The following TLK2 variants were observed in gnomAD, a reference collection of about 807,000 sequenced individuals.
TLK2 encodes the protein tousled like kinase 2, also known as serine/threonine-protein kinase tousled-like 2.
Under a neutral mutation model 117.3 loss-of-function variants are expected in TLK2, and 6 were observed. That is an observed-to-expected ratio of 0.05 (90% CI 0.03 to 0.10). The LOEUF is 0.10. TLK2 is among the 10% of genes least tolerant of loss of function. TLK2 has a pLI of 1.00. For missense variants in TLK2, 299 were observed against 901.2 expected (o/e 0.33, Z 8.56); for synonymous variants, 257 against 316.7 (o/e 0.81, Z 2.00).
rs143763001 is a variant in TLK2 at position 62,612,650 on chromosome 17, G to A, written c.*85G>A. ...AGCGGGTTTGGAACATAGCGAATCC[G>A]AATGGATCTGATGAAACCTGTACCA... On this transcript the variant is annotated 3_prime_UTR_variant, in exon 22 of 22. Transcript: ENST00000346027. The A allele has an allele frequency of 1.3e-5, 18 of 1,358,846 alleles. No individual in the cohort carries two copies. The highest frequency in any genetic ancestry group is 2.9e-5 in the African/African-American group (2 of 68,552). 84.2% of individuals were successfully genotyped at this position (1,358,846 alleles called of 1,614,324 possible).
At chr17:62,577,165 T>G (rs1052781826) in intron 13 of TLK2, among the ~76,000 whole-genome samples, 54 of 152,042 alleles carry the variant, frequency 3.6e-4, no homozygotes, top group African/African-American at 9.2e-4. Context: ...GGTCTCACCA[T>G]TAGGCTGGTC....
intron 12 of TLK2, among the ~76,000 whole-genome samples, chr17:62,573,836 TC>T (rs1458448768): frequency 1.3e-5 from 2 of 152,162 alleles, no homozygotes; most frequent in Admixed American, 6.5e-5. Flanking sequence ...AAGGACATTG[TC>T]CCAATAAGCC....
chr17:62,597,622 A>T (rs906330015), intron 17 of TLK2, among the ~76,000 whole-genome samples: 1 of 152,188 alleles, frequency 6.6e-6, no homozygotes, highest in African/African-American at 2.4e-5. Flanking sequence ...GCACTAATGA[A>T]GACAAGGCTC....
chr17:62,513,129 G>T (rs923162526), intron 2 of TLK2, among the ~76,000 whole-genome samples: 2 of 151,266 alleles, frequency 1.3e-5, no homozygotes, highest in Non-Finnish European at 2.9e-5. Context: ...ATCCACCTGC[G>T]TCGGCCTCCC....
At chr17:62,506,775 G>T (rs1159938634) in intron 2 of TLK2, among the ~76,000 whole-genome samples, 4 of 152,070 alleles carry the variant, frequency 2.6e-5, no homozygotes, top group Non-Finnish European at 4.4e-5. Flanking sequence ...CGATAAAAGA[G>T]AACTTTTTAG....
intron 7 of TLK2, among the ~76,000 whole-genome samples, chr17:62,543,580 A>C (rs2077697063): frequency 6.6e-6 from 1 of 152,174 alleles, no homozygotes; most frequent in Non-Finnish European, 1.5e-5. Flanking sequence ...GCATTCCCCA[A>C]AAAACTGGTG....
At chr17:62,482,805 G>A (rs2071841868) in intron 2 of TLK2, among the ~76,000 whole-genome samples, 1 of 152,128 alleles carries the variant, frequency 6.6e-6, no homozygotes, top group African/African-American at 2.4e-5. Context: ...TGTATGCTAG[G>A]CATTGTGCAA....
chr17:62,612,171 T>C (rs1045057335), intron 21 of TLK2: 29 of 444,952 alleles, frequency 6.5e-5, no homozygotes, highest in Non-Finnish European at 1.1e-4. Context: ...CAGCCCTTTC[T>C]GTCTGAGAAG....
In TLK2 at chr17:62,584,658, AT is replaced by A. The variant is rs1326966644; in HGVS notation, c.1369-1476del. 5.9e-5 allele frequency among the ~76,000 whole-genome samples: 9 copies of A among 152,328 alleles called. No individual in the cohort carries two copies. In the East Asian group the frequency reaches 1.7e-3, roughly 29 times the overall value. ...ATTGAAGCCCTGTCTAGATAAAAAAATAAAAATAAAAAATGTTGCAATTTTT... is the reference window on the plus strand; with the variant it reads ...ATTGAAGCCCTGTCTAGATAAAAAAAAAAAATAAAAAATGTTGCAATTTTT... On this transcript the variant is annotated intron_variant, in intron 15 of 21. Coordinates refer to ENST00000346027, the MANE Select transcript of TLK2 (RefSeq NM_006852.6).
chr17:62,552,428 G>T (rs767759721), intron 8 of TLK2, 31 bp downstream of exon 8: 1 of 1,614,008 alleles, frequency 6.2e-7, no homozygotes. Context: ...CAATTGAGGG[G>T]CATACCTGCT....
intron 10 of TLK2, among the ~76,000 whole-genome samples, chr17:62,563,958 CTG>C (rs2079514926): frequency 6.6e-6 from 1 of 152,098 alleles, no homozygotes; most frequent in Non-Finnish European, 1.5e-5. Flanking sequence ...GAACATCAAA[CTG>C]GAAGTGTGCA....
chr17:62,494,928 G>GAC (rs2073492084), intron 2 of TLK2, among the ~76,000 whole-genome samples: 1 of 152,146 alleles, frequency 6.6e-6, no homozygotes, highest in Non-Finnish European at 1.5e-5. Flanking sequence ...CACTTTGGGA[G>GAC]ACCGAGGCAG....
chr17:62,516,486 T>A (rs1031684010), intron 2 of TLK2: 5 of 1,605,940 alleles, frequency 3.1e-6, no homozygotes, highest in African/African-American at 1.3e-5. Flanking sequence ...GGCTACGGCG[T>A]AGGGTGGCAG....
chr17:62,534,467 T>C (rs966698259), intron 6 of TLK2, among the ~76,000 whole-genome samples: 4 of 152,204 alleles, frequency 2.6e-5, no homozygotes, highest in Admixed American at 2.6e-4. Context: ...TTCAAGTATT[T>C]TACAGATTTT....
rs779714894 is a variant in TLK2 at position 62,560,042 on chromosome 17, T to G, written c.747T>G (p.Ile249Met). Residue 249 changes from isoleucine to methionine, a missense_variant, in exon 10 of 22, where the codon ATT (isoleucine) becomes ATG (methionine). Physicochemically the swap from Ile to Met is conservative, Grantham distance 10 (BLOSUM62 1). This residue lies in a region of TLK2 where 94 missense variants were observed against 282.6 expected (regional missense o/e 0.33). Transcript: ENST00000346027. ...CCAACTGTGATTTGAGACGGCAGAT[T>G]GATGAACAGCAAAAGATGCTAGAGA... ...LRANCDLRRQ[I>M]DEQQKMLEKY... is the part of the protein sequence containing the mutation. 8.7e-6 allele frequency: 14 copies of G among 1,610,714 alleles called. No individual in the cohort carries two copies. In the East Asian group the frequency reaches 2.9e-4, roughly 33 times the overall value.
chr17:62,512,015 A>AT (rs1437939222), intron 2 of TLK2, among the ~76,000 whole-genome samples: 2 of 152,190 alleles, frequency 1.3e-5, no homozygotes, highest in Non-Finnish European at 2.9e-5. Flanking sequence ...ACCTTTTTAC[A>AT]TTCTCACTAG....
intron 1 of TLK2, among the ~76,000 whole-genome samples, chr17:62,472,437 A>G (rs1299186403): frequency 6.6e-6 from 1 of 151,924 alleles, no homozygotes; most frequent in Non-Finnish European, 1.5e-5. Context: ...CAGTGCCCCC[A>G]GGATAAAAGC....
chr17:62,525,952 G>A (rs1199469406), intron 6 of TLK2, among the ~76,000 whole-genome samples: 1 of 152,180 alleles, frequency 6.6e-6, no homozygotes, highest in Non-Finnish European at 1.5e-5. Context: ...ATTTCTCGAT[G>A]TTGTCTATCA....
chr17:62,502,508 C>A (rs2074290340), intron 2 of TLK2, among the ~76,000 whole-genome samples: 2 of 152,108 alleles, frequency 1.3e-5, no homozygotes, highest in South Asian at 2.1e-4. Flanking sequence ...GTTTTCGCAA[C>A]CTCTATTAAA....
Sources: gnomAD v4.1 joint callset for allele counts (sites outside exome capture counted in the v4.1 genomes callset) on GRCh38, gnomAD v4.1.1 for gene constraint, gnomAD v4.1.1 regional missense constraint, MANE v1.5 for transcripts, NCBI Gene and HGNC (gene_info 2026-07-23, HGNC 2026-07-21) for gene names.